Variants in CDC42BPB observed in about 807,000 individuals in gnomAD.
CDC42BPB encodes the protein CDC42 binding protein kinase beta.
In CDC42BPB, 37 loss-of-function variants were observed where a neutral mutation model predicts 214.9. The ratio of observed to expected loss-of-function variants is 0.17; its 90% confidence interval spans 0.13 to 0.23. The LOEUF is 0.23. CDC42BPB is among the 10% of genes least tolerant of loss of function. The pLI is 1.00. For missense variants in CDC42BPB, 1,694 were observed against 2,227.0 expected (o/e 0.76, Z 4.82); for synonymous variants, 931 against 884.0 (o/e 1.05, Z -0.94).
At chr14:103,034,360 A>G (rs1324138491) in intron 1 of CDC42BPB, among the ~76,000 whole-genome samples, 3 of 152,242 alleles carry the variant, frequency 2.0e-5, no homozygotes, top group African/African-American at 7.2e-5. Flanking sequence ...CATTTTAAAA[A>G]TACACATTTA....
chr14:102,945,909 C>T (rs993010468), intron 28 of CDC42BPB, among the ~76,000 whole-genome samples, 185 bp from the exon 29 acceptor site: 12 of 152,198 alleles, frequency 7.9e-5, no homozygotes, highest in Admixed American at 4.6e-4. Flanking sequence ...TCCACAGGGC[C>T]GGCTGACTGT....
chr14:102,973,316 G>A (rs753005002), intron 12 of CDC42BPB, among the ~76,000 whole-genome samples: 11 of 152,352 alleles, frequency 7.2e-5, no homozygotes, highest in Non-Finnish European at 1.5e-4. Flanking sequence ...ACATTTTAGA[G>A]AACAGATCAC....
chr14:102,966,481 G>A, intron 17 of CDC42BPB, 94 bp from the exon 18 acceptor site: 1 of 1,542,408 alleles, frequency 6.5e-7, no homozygotes, highest in South Asian at 1.2e-5. Context: ...TCGGCACACA[G>A]TGACACAGTG....
At chr14:103,042,946 A>G (rs1292128940) in intron 1 of CDC42BPB, among the ~76,000 whole-genome samples, 1 of 152,190 alleles carries the variant, frequency 6.6e-6, no homozygotes, top group Non-Finnish European at 1.5e-5. Flanking sequence ...GGACATGAAA[A>G]CATATCCCAC....
chr14:103,043,682 A>G (rs1888134360), intron 1 of CDC42BPB, among the ~76,000 whole-genome samples: 1 of 152,182 alleles, frequency 6.6e-6, no homozygotes, highest in Admixed American at 6.6e-5. Flanking sequence ...CTGTTACAAA[A>G]AAAAAAAGGA....
intron 1 of CDC42BPB, among the ~76,000 whole-genome samples, chr14:103,014,535 A>G (rs991588418): frequency 1.3e-5 from 2 of 152,096 alleles, no homozygotes; most frequent in African/African-American, 4.8e-5. Flanking sequence ...TTAGCTCCAA[A>G]ACACATGCGA....
At chr14:102,984,691 C>T (rs1415051563) in intron 6 of CDC42BPB, among the ~76,000 whole-genome samples, 4 of 151,960 alleles carry the variant, frequency 2.6e-5, no homozygotes, top group African/African-American at 4.8e-5. Flanking sequence ...GCCATCCTGA[C>T]GGGCTGAGTC....
intron 14 of CDC42BPB, among the ~76,000 whole-genome samples, chr14:102,969,453 A>C (rs1893373307): frequency 6.6e-6 from 1 of 152,196 alleles, no homozygotes; most frequent in Non-Finnish European, 1.5e-5. Flanking sequence ...TCAAGGGCTG[A>C]GAAAGGGGCA....
chr14:103,057,317 C>A lies in CDC42BPB; in HGVS notation c.-144G>T. 9.6e-7 allele frequency: 1 copy of A among 1,046,254 alleles called. No homozygotes were observed. Among genetic ancestry groups the A allele is most frequent in the Non-Finnish European group, 1.1e-6 (1 of 871,608 alleles). The allele number at this position is 1,046,254 out of a possible 1,614,324, so 64.8% of individuals were successfully genotyped here. Reference sequence around the variant, plus strand: ...CCGCCCCGTCCGCGTCGTCGCGCCCCGGCCTAGGCCGACATCTTGGGCTCC... The same window carrying A: ...CCGCCCCGTCCGCGTCGTCGCGCCCAGGCCTAGGCCGACATCTTGGGCTCC... On this transcript the variant is annotated 5_prime_UTR_variant, in exon 1 of 37. Coordinates refer to ENST00000361246, the MANE Select transcript of CDC42BPB (RefSeq NM_006035.4).
At position 102,968,402 on chromosome 14, in the gene CDC42BPB, A is replaced by C. The variant is rs2896462; in HGVS notation, c.2241-44T>G. 9.3e-6 allele frequency: 15 copies of C among 1,613,188 alleles called. 1 individual carries two copies. In the South Asian group the frequency reaches 1.7e-4, roughly 18 times the overall value. On this transcript the variant is annotated intron_variant, in intron 15 of 36. Coordinates refer to ENST00000361246, the MANE Select transcript of CDC42BPB (RefSeq NM_006035.4). Reference sequence around the variant, plus strand: ...AACAGTTTTAAAAGCTCGTAACTTCACTGATATTCGTATCTATGGCGTGGG... The same window carrying C: ...AACAGTTTTAAAAGCTCGTAACTTCCCTGATATTCGTATCTATGGCGTGGG...
rs1894983845 is a variant in CDC42BPB, at chr14:103,001,565, C to T, written c.448-1852G>A. ...GGGCCGGCCACAGTGGGGGCTGCAG[C>T]CCCACACTCAGAGCAGTGAGTGGGT... On this transcript the variant is annotated intron_variant, in intron 4 of 36. Coordinates refer to ENST00000361246, the MANE Select transcript of CDC42BPB (RefSeq NM_006035.4). The surrounding 1 kb of genome is among the most constrained non-coding windows in gnomAD (Gnocchi z 5.8). Among the ~76,000 whole-genome samples, 1 of 152,200 alleles carries T rather than the reference C, an allele frequency of 6.6e-6. No individual in the cohort carries two copies. The highest frequency in any genetic ancestry group is 1.5e-5 in the Non-Finnish European group (1 of 68,026).
At chr14:103,012,226 T>C in intron 1 of CDC42BPB, 38 bp from the exon 2 acceptor site, 2 of 1,561,672 alleles carry the variant, frequency 1.3e-6, no homozygotes, top group Non-Finnish European at 8.8e-7. Flanking sequence ...TTTAGTCTAA[T>C]CAGTTCATAC....
chr14:102,973,596 C>CCACAGCCACCATGCCCTATG (rs1172777564), intron 12 of CDC42BPB, among the ~76,000 whole-genome samples: 5 of 151,784 alleles, frequency 3.3e-5, no homozygotes, highest in Non-Finnish European at 7.4e-5. Context: ...GCGTGTGTTG[C>CCACAGCCACCATGCCCTATG]CACAGCCACC....
chr14:103,034,697 A>C (rs1887568970), intron 1 of CDC42BPB, among the ~76,000 whole-genome samples: 1 of 152,106 alleles, frequency 6.6e-6, no homozygotes, highest in Non-Finnish European at 1.5e-5. Context: ...ACACATCTAT[A>C]ATCCCAGCTA....
chr14:103,049,505 A>G (rs751811495), intron 1 of CDC42BPB, among the ~76,000 whole-genome samples: 3 of 152,236 alleles, frequency 2.0e-5, no homozygotes, highest in Non-Finnish European at 2.9e-5. Flanking sequence ...AACTAAAATG[A>G]TAAGTAGAAA....
At chr14:103,003,900 TG>T (rs1182765894) in intron 4 of CDC42BPB, 27 bp downstream of exon 4, 7 of 1,575,014 alleles carry the variant, frequency 4.4e-6, no homozygotes, top group Non-Finnish European at 6.1e-6. Flanking sequence ...GCGAATGCCC[TG>T]ACCGAGTCTC....
intron 21 of CDC42BPB, among the ~76,000 whole-genome samples, chr14:102,958,309 C>T (rs1566857465): frequency 6.6e-6 from 1 of 152,172 alleles, no homozygotes; most frequent in Non-Finnish European, 1.5e-5. Flanking sequence ...AAGTCGCTTT[C>T]AAATACTTCA....
chr14:102,996,766 C>T lies in CDC42BPB; in HGVS notation c.596+2799G>A, dbSNP rs118092858. 1.6e-4 allele frequency among the ~76,000 whole-genome samples: 24 copies of T among 146,790 alleles called. No individual in the cohort carries two copies. The East Asian group carries it at 3.8e-3, about 23-fold the overall frequency. ...GGTGGAGATTATAGTGAGCTGAGAC[C>T]GCTCCATTGTACTCCAGCCTAGGCA... On this transcript the variant is annotated intron_variant, in intron 5 of 36. Coordinates refer to ENST00000361246, the MANE Select transcript of CDC42BPB (RefSeq NM_006035.4).
intron 1 of CDC42BPB, among the ~76,000 whole-genome samples, chr14:103,044,661 G>A (rs534665939): frequency 1.4e-4 from 22 of 151,880 alleles, no homozygotes; most frequent in Admixed American, 6.5e-4. Context: ...GAGCCACCAC[G>A]CCTGGCCCTA....
Sources: gnomAD v4.1 joint callset for allele counts (sites outside exome capture counted in the v4.1 genomes callset) on GRCh38, gnomAD v4.1.1 for gene constraint, Gnocchi (gnomAD v3.1) non-coding constraint, MANE v1.5 for transcripts, NCBI Gene and HGNC (gene_info 2026-07-23, HGNC 2026-07-21) for gene names.